WWOX: variants seen among roughly 807,000 people sequenced by gnomAD.
WWOX encodes the protein WW domain-containing oxidoreductase.
WWOX carries 69 observed loss-of-function variants against 46.2 expected under a neutral mutation model. That is an observed-to-expected ratio of 1.49 (90% CI 1.23 to 1.82). The LOEUF is 1.82. WWOX is among the 40% of genes most tolerant of loss of function. The probability of loss-of-function intolerance (pLI) is 0.00; values close to 1 mark genes in which losing one functional copy is unlikely to be tolerated. For synonymous variants in WWOX, 359 were observed against 202.6 expected (o/e 1.77, Z -6.56); for missense variants, 919 against 542.6 (o/e 1.69, Z -6.89).
intron 8 of WWOX, among the ~76,000 whole-genome samples, chr16:78,565,699 C>T (rs116001892): frequency 3.9e-5 from 6 of 152,100 alleles, no homozygotes; most frequent in Non-Finnish European, 8.8e-5. Context: ...CATTATTACT[C>T]TACCACAACC....
intron 6 of WWOX, among the ~76,000 whole-genome samples, chr16:78,402,046 C>G (rs1248214554): frequency 1.3e-5 from 2 of 152,188 alleles, no homozygotes; most frequent in Non-Finnish European, 2.9e-5. Context: ...TTATTACGTT[C>G]ACAAAGTTAC....
chr16:78,887,673 A>G (rs2044496853), intron 8 of WWOX, among the ~76,000 whole-genome samples: 1 of 152,206 alleles, frequency 6.6e-6, no homozygotes, highest in African/African-American at 2.4e-5. Context: ...AAAATAGTGC[A>G]TTTGAATTCC....
At chr16:78,519,184 G>T (rs369558324) in intron 8 of WWOX, among the ~76,000 whole-genome samples, 1 of 152,102 alleles carries the variant, frequency 6.6e-6, no homozygotes, top group Admixed American at 6.6e-5. Flanking sequence ...TCTCTAAAAC[G>T]AGGCTCTTGA....
At chr16:78,592,376 A>G in intron 8 of WWOX, among the ~76,000 whole-genome samples, 1 of 152,208 alleles carries the variant, frequency 6.6e-6, no homozygotes. Context: ...TGAATTGAAC[A>G]CCATTTCTCA....
Position 78,510,166 on chromosome 16 carries a change from G to C in WWOX, c.1056+77414G>C, listed in dbSNP as rs576731447. ...CTTAGGAGTCACTTATGCCCTTGAA[G>C]AGTGAGTGATGTATCAAAATATGTC... On this transcript the variant is annotated intron_variant, in intron 8 of 8. Coordinates refer to ENST00000566780, the MANE Select transcript of WWOX (RefSeq NM_016373.4). Among the ~76,000 whole-genome samples the C allele has an allele frequency of 2.6e-5, 4 of 152,176 alleles. No individual in the cohort carries two copies. In the East Asian group the frequency reaches 7.7e-4, roughly 29 times the overall value.
chr16:78,509,070 G>A (rs1457958888), intron 8 of WWOX, among the ~76,000 whole-genome samples: 1 of 152,234 alleles, frequency 6.6e-6, no homozygotes, highest in East Asian at 1.9e-4. Flanking sequence ...TGCACAGTGG[G>A]CACTGTTTCC....
chr16:78,278,891 G>C (rs1196768235), intron 5 of WWOX, among the ~76,000 whole-genome samples: 1 of 152,102 alleles, frequency 6.6e-6, no homozygotes, highest in Non-Finnish European at 1.5e-5. Flanking sequence ...GTGTGTGTTT[G>C]TGTGTGCGTG....
At chr16:78,914,071 G>C (rs1475979284) in intron 8 of WWOX, among the ~76,000 whole-genome samples, 9 of 152,176 alleles carry the variant, frequency 5.9e-5, no homozygotes, top group African/African-American at 1.7e-4. Context: ...TTTGGAAATG[G>C]AGTATGACAG....
chr16:78,237,987 G>A (rs772259246), intron 5 of WWOX: 5 of 152,134 alleles, frequency 3.3e-5, no homozygotes, highest in Non-Finnish European at 7.3e-5. Flanking sequence ...CTTGAGGGAA[G>A]CCTGGTTTAC....
At chr16:78,880,903 A>G (rs1459827084) in intron 8 of WWOX, among the ~76,000 whole-genome samples, 1 of 151,826 alleles carries the variant, frequency 6.6e-6, no homozygotes, top group Non-Finnish European at 1.5e-5. Flanking sequence ...AGACGTAGGT[A>G]TAAGACCCTG....
intron 4 of WWOX, among the ~76,000 whole-genome samples, chr16:78,131,564 A>AGT (rs2151696888): frequency 6.6e-6 from 1 of 152,046 alleles, no homozygotes; most frequent in Non-Finnish European, 1.5e-5. Flanking sequence ...TGTATTTAAA[A>AGT]GTACAGGATA....
chr16:78,973,130 T>C (rs917867220), intron 8 of WWOX, among the ~76,000 whole-genome samples: 22 of 152,182 alleles, frequency 1.4e-4, no homozygotes. Context: ...CCTTCCCGTA[T>C]AAGGTGGGGT....
At chr16:78,329,890 G>A (rs1292167198) in intron 5 of WWOX, among the ~76,000 whole-genome samples, 3 of 151,886 alleles carry the variant, frequency 2.0e-5, no homozygotes, top group African/African-American at 7.3e-5. Flanking sequence ...GGGACTACAG[G>A]CGTGTACCAC....
At chr16:78,464,375 G>A (rs1489182954) in intron 8 of WWOX, among the ~76,000 whole-genome samples, 1 of 152,030 alleles carries the variant, frequency 6.6e-6, no homozygotes, top group East Asian at 1.9e-4. Context: ...AGGAGGCACA[G>A]AGGTAGAGAG....
chr16:78,414,765 C>G (rs937560185), intron 6 of WWOX, among the ~76,000 whole-genome samples: 3 of 152,140 alleles, frequency 2.0e-5, no homozygotes, highest in Non-Finnish European at 2.9e-5. Context: ...TTTACAGGAA[C>G]AGTTTAGTTT....
At chr16:78,806,164 T>A (rs1455693049) in intron 8 of WWOX, among the ~76,000 whole-genome samples, 1 of 152,236 alleles carries the variant, frequency 6.6e-6, no homozygotes, top group Admixed American at 6.5e-5. Context: ...AATTCCCTGA[T>A]ATAATAAGGC....
In WWOX at chr16:78,438,784, C is replaced by T. The variant is rs1212812851; in HGVS notation, c.1056+6032C>T. ...TGCCCGTGTAAAGCCAGTCATCGTG[C>T]TGAGTTTTAACGGATGTGCAGCTAC... On this transcript the variant is annotated intron_variant, in intron 8 of 8. Transcript: ENST00000566780. Among the ~76,000 whole-genome samples the T allele has an allele frequency of 3.9e-5, 6 of 152,224 alleles. 1 individual carries two copies. Among genetic ancestry groups the T allele is most frequent in the African/African-American group, 1.4e-4 (6 of 41,548 alleles).
chr16:78,138,604 T>G (rs2151704794), intron 4 of WWOX, among the ~76,000 whole-genome samples: 1 of 152,348 alleles, frequency 6.6e-6, no homozygotes, highest in Non-Finnish European at 1.5e-5. Context: ...CCATATCTTT[T>G]GAAAGAAGAT....
At chr16:78,812,398 G>A (rs1445731473) in intron 8 of WWOX, among the ~76,000 whole-genome samples, 2 of 151,842 alleles carry the variant, frequency 1.3e-5, no homozygotes, top group Non-Finnish European at 2.9e-5. Flanking sequence ...ACAACTTCTT[G>A]AAAATATTTG....
Sources: allele counts gnomAD v4.1 joint callset (sites outside exome capture counted in the v4.1 genomes callset), GRCh38; gene constraint gnomAD v4.1.1; transcripts MANE v1.5; gene names NCBI Gene and HGNC (gene_info 2026-07-23, HGNC 2026-07-21).